PCM1: variants seen among roughly 807,000 people sequenced by gnomAD.
The protein encoded by PCM1 is pericentriolar material 1 protein.
Under a neutral mutation model 241.9 loss-of-function variants are expected in PCM1, and 157 were observed. That is an observed-to-expected ratio of 0.65 (90% confidence interval 0.57 to 0.74). The LOEUF (loss-of-function observed/expected upper bound fraction) is 0.74. Ranked by LOEUF, PCM1 falls within the 30% of genes least tolerant of loss-of-function variation. PCM1 has a pLI of 0.00. For synonymous variants in PCM1, 1,085 were observed against 784.9 expected (o/e 1.38, Z -6.39); for missense variants, 3,478 against 2,360.1 (o/e 1.47, Z -9.81).
Position 18,025,537 on chromosome 8 carries a change from TC to T in PCM1, c.5935-5del. ...AATGATTTGTATTTTTAATTTTCAT[TC>T]CAAAGGCAGATCTAAGAAAGAAAAT... On this transcript the variant is annotated splice_polypyrimidine_tract_variant and splice_region_variant and intron_variant, in intron 37 of 38. Transcript: ENST00000325083. 6.4e-7 allele frequency: 1 copy of T among 1,558,454 alleles called. No homozygotes were observed. Among genetic ancestry groups the T allele is most frequent in the South Asian group, 1.2e-5 (1 of 84,758 alleles).
At position 17,991,656 on chromosome 8, in the gene PCM1, A is replaced by G. The variant is rs773288337; in HGVS notation, c.4646A>G (p.Asp1549Gly). The G allele has an allele frequency of 1.3e-6, 2 of 1,564,408 alleles. No homozygotes were observed. Among genetic ancestry groups the G allele is most frequent in the Admixed American group, 3.8e-5 (2 of 52,120 alleles). Residue 1549 changes from aspartate (D) to glycine (G), a missense_variant, in exon 28 of 39, where the codon GAT (aspartate) becomes GGT (glycine). Coordinates refer to ENST00000325083, the MANE Select transcript of PCM1 (RefSeq NM_006197.4). Reference protein sequence around the residue: ...NMRCTCRIIEDGDGAGAGTTV... With the variant: ...NMRCTCRIIEGGDGAGAGTTV... The stretch of plus-strand genomic sequence containing the variant: ...AGATGCACCTGCAGGATTATTGAGG[A>G]TGGAGATGGTGCTGGTGCAGGTACT...
chr8:17,944,075 T>C (rs370855447), intron 6 of PCM1, among the ~76,000 whole-genome samples: 1 of 152,212 alleles, frequency 6.6e-6, no homozygotes, highest in Non-Finnish European at 1.5e-5. Flanking sequence ...CCTATACTCA[T>C]GGCCCCCAAC....
At chr8:17,947,496 ACTTT>A in intron 7 of PCM1, 133 bp downstream of exon 7, 1 of 656,892 alleles carries the variant, frequency 1.5e-6, no homozygotes, top group Middle Eastern at 3.3e-4. Flanking sequence ...TGAGGCTTAT[ACTTT>A]CCTGTGCTTT....
At chr8:18,012,346 G>A (rs1224804557) in intron 34 of PCM1, among the ~76,000 whole-genome samples, 2 of 152,066 alleles carry the variant, frequency 1.3e-5, no homozygotes, top group African/African-American at 4.8e-5. Flanking sequence ...GTATAACAGT[G>A]TTCAAACAAC....
chr8:18,009,924 A>T (rs1257670249), intron 31 of PCM1, among the ~76,000 whole-genome samples, 180 bp downstream of exon 31: 1 of 152,242 alleles, frequency 6.6e-6, no homozygotes, highest in East Asian at 1.9e-4. Context: ...GACTAACAGC[A>T]GTTGCTAAAG....
chr8:17,973,064 A>C (rs922039070), intron 23 of PCM1, among the ~76,000 whole-genome samples: 1 of 152,254 alleles, frequency 6.6e-6, no homozygotes, highest in African/African-American at 2.4e-5. Flanking sequence ...TGATTAGTTT[A>C]AAGAATAGTG....
intron 7 of PCM1, among the ~76,000 whole-genome samples, chr8:17,948,091 C>T (rs1318408530): frequency 6.6e-6 from 1 of 152,014 alleles, no homozygotes; most frequent in Non-Finnish European, 1.5e-5. Flanking sequence ...TAGTCTATCC[C>T]CCACTGTCTG....
Position 18,027,849 on chromosome 8 carries a change from C to A in PCM1, c.*187C>A. On this transcript the variant is annotated 3_prime_UTR_variant, in exon 39 of 39. Transcript: ENST00000325083. ...AACTGAATTCTGGACAGATTTAAGC[C>A]TTGACACACTGTGTTTTTTTTTTTT... The A allele has an allele frequency of 2.5e-6, 1 of 405,882 alleles. No individual in the cohort carries two copies. The allele number at this position is 405,882 out of a possible 1,614,324, so 25.1% of individuals were successfully genotyped here.
rs767035673 is a variant in PCM1, at chr8:17,966,153, A to G, written c.3010A>G (p.Asn1004Asp). 5.0e-6 allele frequency: 8 copies of G among 1,613,996 alleles called. No individual in the cohort carries two copies. In the East Asian group the frequency reaches 6.7e-5, roughly 13 times the overall value. ...EEKEQWQEQI[N>D]QLKKQLDFSV... ...GAAAGAACAATGGCAAGAACAAATC[A>G]ATCAGCTAAAGAAACAGCTTGATTT... The change falls in exon 19 of 39, where the codon AAT becomes GAT. Residue 1004 changes from asparagine to aspartate, a missense_variant. Coordinates refer to ENST00000325083, the MANE Select transcript of PCM1 (RefSeq NM_006197.4).
At position 17,967,063 on chromosome 8, in the gene PCM1, CA is replaced by C; in HGVS notation, c.3306del (p.Ser1103ArgfsTer19). On this transcript the variant is annotated frameshift_variant, in exon 21 of 39. Coordinates refer to ENST00000325083, the MANE Select transcript of PCM1 (RefSeq NM_006197.4). LOFTEE classifies it high-confidence loss of function. ...GGAGGCAAGGAAAGAGGCAGTAGTG[CA>C]TCGCACCCTCCTTCTCCCAGTTTAT... ...KPGGKERGSS[A>X]SHPPSPSLFC... The C allele has an allele frequency of 1.9e-6, 3 of 1,609,614 alleles. No homozygotes were observed. Among genetic ancestry groups the C allele is most frequent in the Non-Finnish European group, 2.5e-6 (3 of 1,177,714 alleles).
chr8:17,997,735 T>C (rs1395853432), intron 29 of PCM1, among the ~76,000 whole-genome samples: 1 of 152,016 alleles, frequency 6.6e-6, no homozygotes, highest in Non-Finnish European at 1.5e-5. Flanking sequence ...TATAGAATTC[T>C]GAATTCCCGG....
chr8:17,930,817 T>C (rs143285871), intron 2 of PCM1, among the ~76,000 whole-genome samples: 2,566 of 151,982 alleles, frequency 0.017, 38 homozygotes, highest in South Asian at 0.043. Flanking sequence ...GAGGCGGAGC[T>C]TGTAGTGAGC....
rs1391575131 is a variant in PCM1 at position 17,950,640 on chromosome 8, A to T, written c.987A>T (p.Leu329Phe). 6.2e-7 allele frequency: 1 copy of T among 1,603,140 alleles called. No individual in the cohort carries two copies. The highest frequency in any genetic ancestry group is 8.5e-7 in the Non-Finnish European group (1 of 1,172,984). ...DSVVAETAGS[L>F]SGVSITSELN... The stretch of plus-strand genomic sequence containing the variant: ...TTGTTGCAGAAACTGCAGGTAGCTT[A>T]TCTGGCGTCAGTATCACATCTGAAC... The change falls in exon 8 of 39, where the codon TTA (leucine) becomes TTT (phenylalanine). Residue 329 changes from leucine to phenylalanine, a missense_variant. Transcript: ENST00000325083.
At chr8:17,954,438 A>G (rs1376667556) in intron 9 of PCM1, among the ~76,000 whole-genome samples, 1 of 151,988 alleles carries the variant, frequency 6.6e-6, no homozygotes, top group South Asian at 2.1e-4. Context: ...AAAAAAAAAA[A>G]AAAAGAAAAG....
At position 18,009,530 on chromosome 8, in the gene PCM1, G is replaced by C. The variant is rs532236461; in HGVS notation, c.4963-17G>C. ...AGTTTACTGTCTTTAAAAATTATTT[G>C]GTTTATCTTTGAATAGGATTCACTG... On this transcript the variant is annotated splice_polypyrimidine_tract_variant and intron_variant, in intron 30 of 38. Transcript: ENST00000325083. The C allele has an allele frequency of 6.6e-7, 1 of 1,518,438 alleles. No individual in the cohort carries two copies. Among genetic ancestry groups the C allele is most frequent in the Admixed American group, 1.9e-5 (1 of 52,588 alleles). 94.1% of individuals were successfully genotyped at this position (1,518,438 alleles called of 1,614,324 possible).
chr8:17,945,569 T>A (rs889636343), intron 6 of PCM1, among the ~76,000 whole-genome samples: 2 of 152,196 alleles, frequency 1.3e-5, no homozygotes, highest in Non-Finnish European at 2.9e-5. Flanking sequence ...TACTTATTTG[T>A]TTACTTATTA....
intron 36 of PCM1, among the ~76,000 whole-genome samples, chr8:18,021,610 AT>A (rs2093760076): frequency 6.6e-6 from 1 of 152,222 alleles, no homozygotes; most frequent in Admixed American, 6.5e-5. Flanking sequence ...TGAACAGGTT[AT>A]CAGATAAACA....
chr8:17,950,752 GT>G, intron 8 of PCM1, 28 bp downstream of exon 8: 1 of 1,243,760 alleles, frequency 8.0e-7, no homozygotes, highest in Non-Finnish European at 1.2e-6. Context: ...GTATAGTTGA[GT>G]TTAAAAAATC....
chr8:17,927,808 C>G (rs2057569737), intron 2 of PCM1: 1 of 151,296 alleles, frequency 6.6e-6, no homozygotes, highest in Admixed American at 6.6e-5. Flanking sequence ...CTCAGCTTCC[C>G]TAAGTCCTGG....
Sources: allele counts gnomAD v4.1 joint callset (sites outside exome capture counted in the v4.1 genomes callset), GRCh38; gene constraint gnomAD v4.1.1; transcripts MANE v1.5; gene names NCBI Gene and HGNC (gene_info 2026-07-23, HGNC 2026-07-21).